SBF2: variants seen among roughly 807,000 people sequenced by gnomAD.
SBF2 encodes SET binding factor 2, also known as myotubularin-related protein 13.
Under a neutral mutation model 225.2 loss-of-function variants are expected in SBF2, and 112 were observed. That is an observed-to-expected ratio of 0.50 (90% CI 0.43 to 0.58). The LOEUF is 0.58. Ranked by LOEUF, SBF2 falls within the 20% of genes least tolerant of loss-of-function variation. SBF2 has a pLI of 0.00. For missense variants in SBF2, 1,996 were observed against 2,206.2 expected (o/e 0.90, Z 1.91); for synonymous variants, 763 against 773.3 (o/e 0.99, Z 0.22).
At chr11:9,819,279 A>G (rs972835457) in intron 28 of SBF2, 10 of 152,226 alleles carry the variant, frequency 6.6e-5, no homozygotes, top group African/African-American at 2.4e-4. Flanking sequence ...TGACTGAGTA[A>G]AACATTTATC....
Position 9,839,568 on chromosome 11 carries a change from T to A in SBF2, c.3385A>T (p.Ser1129Cys). The change falls in exon 26 of 40, where the codon AGC (serine) becomes TGC (cysteine). Residue 1129 changes from serine (S) to cysteine (C), a missense_variant. Coordinates refer to ENST00000256190, the MANE Select transcript of SBF2 (RefSeq NM_030962.4). ...QRLGLGTISG[S>C]SSRSRPEYFR... ...TACTCGGGTCTTGAACGGGAAGAGCTGCCACTTATGGTTCCTAAACCTAAA... is the reference window on the plus strand; with the variant it reads ...TACTCGGGTCTTGAACGGGAAGAGCAGCCACTTATGGTTCCTAAACCTAAA... 1.9e-6 allele frequency: 3 copies of A among 1,614,192 alleles called. No individual in the cohort carries two copies. The highest frequency in any genetic ancestry group is 2.5e-6 in the Non-Finnish European group (3 of 1,180,028).
intron 14 of SBF2, among the ~76,000 whole-genome samples, chr11:9,967,716 GA>G (rs1867019125): frequency 6.6e-6 from 1 of 152,126 alleles, no homozygotes; most frequent in Non-Finnish European, 1.5e-5. Context: ...GGGAGTTCGA[GA>G]CCAGCCTGAC....
At chr11:10,028,725 C>T (rs929137397) in intron 5 of SBF2, among the ~76,000 whole-genome samples, 168 bp from the exon 6 acceptor site, 2 of 152,120 alleles carry the variant, frequency 1.3e-5, no homozygotes, top group African/African-American at 4.8e-5. Context: ...TCTTTGTATA[C>T]TTAAGTGGCA....
chr11:9,780,943 T>C, intron 39 of SBF2: 1 of 297,490 alleles, frequency 3.4e-6, no homozygotes, highest in Non-Finnish European at 6.5e-6. Flanking sequence ...GTTGGAGCCA[T>C]ATTGGAAGCC....
At chr11:10,260,599 C>T (rs1336102220) in intron 1 of SBF2, among the ~76,000 whole-genome samples, 5 of 151,398 alleles carry the variant, frequency 3.3e-5, no homozygotes, top group Admixed American at 3.3e-4. Context: ...ACCTGTAGTC[C>T]CAGCTACTCA....
intron 2 of SBF2, among the ~76,000 whole-genome samples, chr11:10,163,240 CA>C (rs926704801): frequency 2.1e-4 from 31 of 150,956 alleles, no homozygotes; most frequent in Middle Eastern, 3.2e-3. Context: ...GTAATTACAG[CA>C]AAAAAAAATT....
chr11:9,933,342 T>C (rs1864641549), intron 16 of SBF2, among the ~76,000 whole-genome samples: 1 of 152,128 alleles, frequency 6.6e-6, no homozygotes, highest in Non-Finnish European at 1.5e-5. Flanking sequence ...CCACCCCAAA[T>C]CAACAGAATA....
intron 1 of SBF2, among the ~76,000 whole-genome samples, chr11:10,221,527 A>C (rs553492291): frequency 6.6e-6 from 1 of 152,278 alleles, no homozygotes; most frequent in Admixed American, 6.5e-5. Flanking sequence ...TACAGCTACA[A>C]AGCTAGTATC....
chr11:9,985,557 A>G (rs759049560), intron 13 of SBF2, among the ~76,000 whole-genome samples: 6 of 152,272 alleles, frequency 3.9e-5, no homozygotes, highest in Admixed American at 6.5e-5. Context: ...TCCTGACTTC[A>G]GGTGATCCTC....
At chr11:10,223,181 TTA>T (rs548150170) in intron 1 of SBF2, among the ~76,000 whole-genome samples, 68 of 151,498 alleles carry the variant, frequency 4.5e-4, no homozygotes, top group Non-Finnish European at 8.5e-4. Context: ...CCAACATCAA[TTA>T]TGTTTCCCTC....
intron 1 of SBF2, among the ~76,000 whole-genome samples, chr11:10,242,509 C>T (rs1410639637): frequency 2.6e-5 from 4 of 151,910 alleles, no homozygotes; most frequent in Admixed American, 6.6e-5. Flanking sequence ...CTATCAATCA[C>T]GTTAAATGTA....
At chr11:10,300,571 A>G (rs1308263615) in intron 1 of SBF2, among the ~76,000 whole-genome samples, 1 of 151,854 alleles carries the variant, frequency 6.6e-6, no homozygotes, top group Non-Finnish European at 1.5e-5. Context: ...GGTGCTTCTA[A>G]TCTGATATCA....
rs565107163 is a variant in SBF2 at position 10,100,192 on chromosome 11, G to A, written c.142-57211C>T. 1.3e-4 allele frequency among the ~76,000 whole-genome samples: 20 copies of A among 152,352 alleles called. No individual in the cohort carries two copies. In the East Asian group the frequency reaches 2.3e-3, roughly 18 times the overall value. On this transcript the variant is annotated intron_variant, in intron 2 of 39. Transcript: ENST00000256190. The stretch of plus-strand genomic sequence containing the variant: ...ATGGAAACCAAGGAGACAGATTTGA[G>A]TAATTATAAAACTCCAATCTCCTGC...
At chr11:9,847,175 A>C in intron 22 of SBF2, 92 bp from the exon 23 acceptor site, 1 of 1,500,038 alleles carries the variant, frequency 6.7e-7, no homozygotes, top group South Asian at 1.1e-5. Flanking sequence ...CTGCTAGAGA[A>C]ATGTATTTGA....
chr11:9,967,947 G>GTCTCTCTC (rs1214352340), intron 14 of SBF2, among the ~76,000 whole-genome samples: 5 of 100,248 alleles, frequency 5.0e-5, no homozygotes, highest in African/African-American at 1.5e-4. Flanking sequence ...CTGTCTGTCT[G>GTCTCTCTC]TCTCTCTCTC....
chr11:9,886,005 G>A (rs553846818), intron 17 of SBF2, among the ~76,000 whole-genome samples: 21 of 152,254 alleles, frequency 1.4e-4, no homozygotes, highest in African/African-American at 4.8e-4. Flanking sequence ...TGTTCCTTTT[G>A]TCAAACACAT....
At chr11:10,196,753 G>T (rs1211522807) in intron 1 of SBF2, among the ~76,000 whole-genome samples, 1 of 149,234 alleles carries the variant, frequency 6.7e-6, no homozygotes, top group East Asian at 1.9e-4. Context: ...AAAATATAAA[G>T]AAGAAAGCAC....
At chr11:10,010,936 C>T (rs1031082324) in intron 6 of SBF2, among the ~76,000 whole-genome samples, 3 of 152,052 alleles carry the variant, frequency 2.0e-5, no homozygotes, top group African/African-American at 7.2e-5. Flanking sequence ...TGTAGTTCTC[C>T]TTGAAGAGGT....
chr11:10,231,371 G>T (rs1409105653), intron 1 of SBF2, among the ~76,000 whole-genome samples: 1 of 152,182 alleles, frequency 6.6e-6, no homozygotes, highest in Non-Finnish European at 1.5e-5. Context: ...TCCTTTGGAG[G>T]AGGAGAAGCG....
Sources: gnomAD v4.1 joint callset for allele counts (sites outside exome capture counted in the v4.1 genomes callset) on GRCh38, gnomAD v4.1.1 for gene constraint, MANE v1.5 for transcripts, NCBI Gene and HGNC (gene_info 2026-07-23, HGNC 2026-07-21) for gene names.